DOCK3: variants seen among roughly 807,000 people sequenced by gnomAD.
DOCK3 encodes the protein dedicator of cytokinesis protein 3.
DOCK3 carries 60 observed loss-of-function variants against 265.6 expected under a neutral mutation model. The observed-to-expected ratio is 0.23, with a 90% confidence interval of 0.18 to 0.28. DOCK3 has a LOEUF of 0.28. DOCK3 is among the 10% of genes least tolerant of loss of function. DOCK3 has a pLI of 1.00. For missense variants in DOCK3, 1,981 were observed against 2,594.3 expected, an observed-to-expected ratio of 0.76 and a Z score of 5.14; for synonymous variants, 881 against 938.0, an observed-to-expected ratio of 0.94 and a Z score of 1.11.
chr3:50,747,731 G>A lies in DOCK3; in HGVS notation c.38-30944G>A, dbSNP rs555275795. Among the ~76,000 whole-genome samples, 215 of 152,212 alleles carry A rather than the reference G, an allele frequency of 1.4e-3. No individual in the cohort carries two copies. The Middle Eastern group carries it at 0.017, about 12-fold the overall frequency. On this transcript the variant is annotated intron_variant, in intron 1 of 52. Coordinates refer to ENST00000266037, the MANE Select transcript of DOCK3 (RefSeq NM_004947.5). ...ATACAAAAATTAGCTGGGCATGGTGGCGCATGCCTATAATCCCAGCTGCTC... is the reference window on the plus strand; with the variant it reads ...ATACAAAAATTAGCTGGGCATGGTGACGCATGCCTATAATCCCAGCTGCTC...
intron 33 of DOCK3, among the ~76,000 whole-genome samples, chr3:51,331,879 C>G (rs950816047): frequency 6.6e-6 from 1 of 152,204 alleles, no homozygotes; most frequent in African/African-American, 2.4e-5. Flanking sequence ...TGTGTGCTCA[C>G]AGAACATTTC....
intron 28 of DOCK3, among the ~76,000 whole-genome samples, chr3:51,311,554 CCT>C: frequency 6.6e-6 from 1 of 152,224 alleles, no homozygotes; most frequent in African/African-American, 2.4e-5. Flanking sequence ...TATATAAACC[CCT>C]GTTATCCAGT....
chr3:50,829,970 C>T (rs897792386), intron 2 of DOCK3, among the ~76,000 whole-genome samples: 13 of 151,996 alleles, frequency 8.6e-5, no homozygotes, highest in Admixed American at 6.6e-4. Context: ...CTAAACTGTG[C>T]AAATAAATGC....
At chr3:50,988,038 C>T (rs1470904818) in intron 5 of DOCK3, among the ~76,000 whole-genome samples, 10 of 152,220 alleles carry the variant, frequency 6.6e-5, no homozygotes, top group Non-Finnish European at 1.5e-4. Context: ...CAGTGACAGT[C>T]TGCAGGCTCT....
chr3:51,029,229 C>G (rs1262632369), intron 5 of DOCK3, among the ~76,000 whole-genome samples: 2 of 152,132 alleles, frequency 1.3e-5, no homozygotes, highest in African/African-American at 2.4e-5. Context: ...TTCTGAGATG[C>G]TACTTGCAAC....
intron 1 of DOCK3, among the ~76,000 whole-genome samples, chr3:50,713,728 A>T (rs1427032844): frequency 6.6e-6 from 1 of 151,778 alleles, no homozygotes; most frequent in East Asian, 1.9e-4. Context: ...CGCCATTTGG[A>T]TGTCTCCCAG....
chr3:51,009,365 A>T (rs2078840814), intron 5 of DOCK3, among the ~76,000 whole-genome samples: 3 of 152,232 alleles, frequency 2.0e-5, no homozygotes, highest in African/African-American at 4.8e-5. Flanking sequence ...TGTGTCCAGG[A>T]ATTTATCCAT....
chr3:51,092,141 T>G (rs564450841), intron 9 of DOCK3, among the ~76,000 whole-genome samples: 2 of 152,272 alleles, frequency 1.3e-5, no homozygotes, highest in East Asian at 3.9e-4. Context: ...CATTGGCACC[T>G]GGAACGCCAG....
At chr3:51,160,741 A>G (rs774572929) in intron 12 of DOCK3, 39 bp downstream of exon 12, 3 of 1,598,298 alleles carry the variant, frequency 1.9e-6, no homozygotes, top group Non-Finnish European at 1.7e-6. Flanking sequence ...GATTTGTAGC[A>G]TAAGACATCC....
At chr3:51,020,083 C>A (rs2079519381) in intron 5 of DOCK3, among the ~76,000 whole-genome samples, 1 of 151,868 alleles carries the variant, frequency 6.6e-6, no homozygotes, top group Non-Finnish European at 1.5e-5. Context: ...TTTACATTCC[C>A]ACCAACAGTG....
At position 51,361,915 on chromosome 3, in the gene DOCK3, C is replaced by T. The variant is rs778025492; in HGVS notation, c.5063C>T (p.Ala1688Val). The T allele has an allele frequency of 3.7e-6, 6 of 1,613,040 alleles. No homozygotes were observed. The highest frequency in any genetic ancestry group is 2.2e-5 in the South Asian group (2 of 90,794). The stretch of plus-strand genomic sequence containing the variant: ...TCATCATCCTCTCTCTCCTCACATG[C>T]GTCTAGTGAAGCAGGAAACATGGTG... The part of the protein sequence containing the change: ...RHSSSSLSSH[A>V]SSEAGNMVML... Residue 1688 changes from alanine to valine, a missense_variant, in exon 48 of 53, where the codon GCG becomes GTG. Coordinates refer to ENST00000266037, the MANE Select transcript of DOCK3 (RefSeq NM_004947.5). The surrounding 1 kb of genome is among the most constrained non-coding windows in gnomAD (Gnocchi z 4.2).
At chr3:50,754,157 C>CAAAAAAAAA (rs71084110) in intron 1 of DOCK3, among the ~76,000 whole-genome samples, 1 of 61,566 alleles carries the variant, frequency 1.6e-5, no homozygotes. Flanking sequence ...GACTCTGTCT[C>CAAAAAAAAA]AAAAAAAAAA....
chr3:50,940,142 A>G (rs553128178), intron 5 of DOCK3, among the ~76,000 whole-genome samples: 2 of 152,118 alleles, frequency 1.3e-5, no homozygotes, highest in East Asian at 3.9e-4. Context: ...TTTAGAACAC[A>G]GTACCATTTA....
intron 22 of DOCK3, among the ~76,000 whole-genome samples, chr3:51,251,908 T>C (rs138830544): frequency 6.6e-6 from 1 of 152,226 alleles, no homozygotes; most frequent in Admixed American, 6.5e-5. Context: ...GCCATTACTT[T>C]TGGTGTTTTA....
chr3:51,360,061 C>A (rs754676311), intron 46 of DOCK3, among the ~76,000 whole-genome samples: 1 of 152,190 alleles, frequency 6.6e-6, no homozygotes. Context: ...CACAGACAAC[C>A]CAGGTCACTA....
At chr3:50,895,484 T>A (rs2048852478) in intron 4 of DOCK3, among the ~76,000 whole-genome samples, 1 of 151,936 alleles carries the variant, frequency 6.6e-6, no homozygotes, top group Non-Finnish European at 1.5e-5. Context: ...ATGTGCATGC[T>A]TAGGGAGGTA....
chr3:51,144,879 G>A (rs2085227447), intron 9 of DOCK3, among the ~76,000 whole-genome samples: 1 of 152,152 alleles, frequency 6.6e-6, no homozygotes, highest in South Asian at 2.1e-4. Flanking sequence ...AAATAAGTAA[G>A]TTACTTTTGG....
chr3:50,934,900 T>G (rs1282936252), intron 5 of DOCK3, among the ~76,000 whole-genome samples: 1 of 152,186 alleles, frequency 6.6e-6, no homozygotes, highest in African/African-American at 2.4e-5. Context: ...CACATTTTAC[T>G]TTACTTCTAC....
intron 3 of DOCK3, among the ~76,000 whole-genome samples, chr3:50,847,517 G>T (rs552194752): frequency 9.9e-5 from 15 of 152,178 alleles, no homozygotes; most frequent in Non-Finnish European, 1.9e-4. Context: ...CTAGTCAAGT[G>T]TTGAGTTTAA....
Sources: allele counts gnomAD v4.1 joint callset (sites outside exome capture counted in the v4.1 genomes callset), GRCh38; gene constraint gnomAD v4.1.1; non-coding constraint Gnocchi (gnomAD v3.1); transcripts MANE v1.5; gene names NCBI Gene and HGNC (gene_info 2026-07-23, HGNC 2026-07-21).